TAFA4: variants seen among roughly 807,000 people sequenced by gnomAD.
TAFA4 encodes TAFA chemokine like family member 4.
In TAFA4, 20 loss-of-function variants were observed where a neutral mutation model predicts 21.1. The observed-to-expected ratio is 0.95, with a 90% CI of 0.67 to 1.38. The LOEUF is 1.38. Ranked by LOEUF, TAFA4 falls within the 40% of genes most tolerant of loss-of-function variation. TAFA4 has a pLI of 0.00. For synonymous variants in TAFA4, 71 were observed against 67.4 expected, an observed-to-expected ratio of 1.05 and a Z score of -0.26; for missense variants, 211 against 180.9, an observed-to-expected ratio of 1.17 and a Z score of -0.95.
At chr3:68,860,707 T>A (rs890881261) in intron 3 of TAFA4, among the ~76,000 whole-genome samples, 1 of 152,124 alleles carries the variant, frequency 6.6e-6, no homozygotes, top group African/African-American at 2.4e-5. Flanking sequence ...AAAAATTTCA[T>A]GGAAGATGAA....
At chr3:68,890,988 T>C (rs1377858193) in intron 1 of TAFA4, among the ~76,000 whole-genome samples, 1 of 152,160 alleles carries the variant, frequency 6.6e-6, no homozygotes, top group Non-Finnish European at 1.5e-5. Context: ...TTGCTACAGA[T>C]TTATTAAAGG....
At chr3:68,733,736 C>T (rs1357350798) in intron 5 of TAFA4, among the ~76,000 whole-genome samples, 2 of 152,134 alleles carry the variant, frequency 1.3e-5, no homozygotes, top group African/African-American at 4.8e-5. Context: ...TATACCAGCA[C>T]AGGTGGAAAA....
At chr3:68,800,691 C>T (rs895941621) in intron 3 of TAFA4, among the ~76,000 whole-genome samples, 5 of 152,190 alleles carry the variant, frequency 3.3e-5, no homozygotes, top group Admixed American at 6.5e-5. Context: ...GGGACTGGCA[C>T]CAGAATGGGG....
chr3:68,815,783 A>G (rs1382990803), intron 3 of TAFA4, among the ~76,000 whole-genome samples: 1 of 152,206 alleles, frequency 6.6e-6, no homozygotes, highest in East Asian at 1.9e-4. Flanking sequence ...AGAACTAGAA[A>G]TACCATTTGA....
chr3:68,888,657 A>G (rs951821418), intron 1 of TAFA4, among the ~76,000 whole-genome samples: 1 of 152,154 alleles, frequency 6.6e-6, no homozygotes, highest in Admixed American at 6.6e-5. Flanking sequence ...TGGGAAGTCT[A>G]ATATCAAGGT....
intron 1 of TAFA4, among the ~76,000 whole-genome samples, chr3:68,925,054 T>G (rs2090094654): frequency 1.3e-5 from 2 of 152,214 alleles, no homozygotes; most frequent in South Asian, 4.1e-4. Flanking sequence ...CTGGCTTGCT[T>G]AATGGAGTTC....
chr3:68,925,212 CGTGTGTGTGA>C (rs1388436066), intron 1 of TAFA4, among the ~76,000 whole-genome samples: 6 of 150,960 alleles, frequency 4.0e-5, no homozygotes, highest in Non-Finnish European at 7.4e-5. Context: ...TCTGTGTGTG[CGTGTGTGTGA>C]GTGTGTGTTG....
chr3:68,920,015 C>T (rs192862886), intron 1 of TAFA4, among the ~76,000 whole-genome samples: 41 of 152,272 alleles, frequency 2.7e-4, no homozygotes, highest in Non-Finnish European at 4.9e-4. Flanking sequence ...CAGTAAACAC[C>T]ACATCTCAGT....
At chr3:68,773,184 A>G (rs995848882) in intron 3 of TAFA4, among the ~76,000 whole-genome samples, 3 of 152,190 alleles carry the variant, frequency 2.0e-5, no homozygotes, top group African/African-American at 7.2e-5. Context: ...TGCACTTCTG[A>G]CCAACTTGAC....
chr3:68,793,792 A>G lies in TAFA4; in HGVS notation c.131-40774T>C, dbSNP rs78857688. Among the ~76,000 whole-genome samples the G allele has an allele frequency of 8.5e-3, 1,292 of 152,364 alleles. 20 individuals carry two copies. The highest frequency in any genetic ancestry group is 0.029 in the African/African-American group (1,204 of 41,580). ...AACAATGAATCAAATGTAGGTGCAG[A>G]AAGAGGAATTACATAGAGATAAAGT... On this transcript the variant is annotated intron_variant, in intron 3 of 5. Coordinates refer to ENST00000295569, the MANE Select transcript of TAFA4 (RefSeq NM_182522.5).
chr3:68,858,624 T>C lies in TAFA4; in HGVS notation c.130+22106A>G, dbSNP rs575558230. On this transcript the variant is annotated intron_variant, in intron 3 of 5. Coordinates refer to ENST00000295569, the MANE Select transcript of TAFA4 (RefSeq NM_182522.5). ...TGTGTGTGTGTGTCTTTAAGGCGTATGCATTCACATAGATGCAAGTGGAAT... is the reference window on the plus strand; with the variant it reads ...TGTGTGTGTGTGTCTTTAAGGCGTACGCATTCACATAGATGCAAGTGGAAT... 4.0e-5 allele frequency among the ~76,000 whole-genome samples: 6 copies of C among 149,952 alleles called. No homozygotes were observed. The East Asian group carries it at 1.0e-3, about 25-fold the overall frequency.
intron 3 of TAFA4, among the ~76,000 whole-genome samples, chr3:68,856,782 G>T (rs1308767183): frequency 6.6e-6 from 1 of 152,114 alleles, no homozygotes; most frequent in Non-Finnish European, 1.5e-5. Flanking sequence ...CATGCAGGTA[G>T]GAACCACAAC....
chr3:68,910,090 T>C (rs368732410), intron 1 of TAFA4, among the ~76,000 whole-genome samples: 35 of 152,368 alleles, frequency 2.3e-4, no homozygotes, highest in South Asian at 1.9e-3. Flanking sequence ...AACACACACA[T>C]TCACTTCTTC....
Position 68,739,208 on chromosome 3 carries a change from C to T in TAFA4, c.287-9G>A. 1.2e-6 allele frequency: 2 copies of T among 1,613,442 alleles called. No individual in the cohort carries two copies. The highest frequency in any genetic ancestry group is 1.7e-6 in the Non-Finnish European group (2 of 1,179,684). Reference sequence around the variant, plus strand: ...CTGAATCACAATGGAAGCTGGAAAACAAAGGCCAAATAATATTTGTGACAC... The same window carrying T: ...CTGAATCACAATGGAAGCTGGAAAATAAAGGCCAAATAATATTTGTGACAC... On this transcript the variant is annotated splice_polypyrimidine_tract_variant and intron_variant, in intron 4 of 5. Coordinates refer to ENST00000295569, the MANE Select transcript of TAFA4 (RefSeq NM_182522.5).
At chr3:68,769,800 C>T (rs1702919599) in intron 3 of TAFA4, among the ~76,000 whole-genome samples, 1 of 152,188 alleles carries the variant, frequency 6.6e-6, no homozygotes, top group Admixed American at 6.5e-5. Context: ...TTTTCTTGCA[C>T]ACCATCTCTT....
chr3:68,791,528 G>T (rs1007539610), intron 3 of TAFA4, among the ~76,000 whole-genome samples: 2 of 152,178 alleles, frequency 1.3e-5, no homozygotes, highest in African/African-American at 4.8e-5. Context: ...ATTGTCTTAA[G>T]CCACCCAGCT....
At chr3:68,877,332 A>G (rs1191015289) in intron 3 of TAFA4, among the ~76,000 whole-genome samples, 1 of 152,184 alleles carries the variant, frequency 6.6e-6, no homozygotes, top group Non-Finnish European at 1.5e-5. Flanking sequence ...GCACTCCAGC[A>G]TAAGTGACAG....
chr3:68,876,764 C>T (rs1383038071), intron 3 of TAFA4, among the ~76,000 whole-genome samples: 1 of 151,952 alleles, frequency 6.6e-6, no homozygotes, highest in Non-Finnish European at 1.5e-5. Flanking sequence ...ACCTAAATTT[C>T]CATAAATTTG....
chr3:68,898,360 T>A (rs1301812531), intron 1 of TAFA4, among the ~76,000 whole-genome samples: 2 of 152,194 alleles, frequency 1.3e-5, no homozygotes, highest in Non-Finnish European at 2.9e-5. Context: ...GATAATGATT[T>A]AGCATATGTG....
Sources: gnomAD v4.1 joint callset for allele counts (sites outside exome capture counted in the v4.1 genomes callset) on GRCh38, gnomAD v4.1.1 for gene constraint, MANE v1.5 for transcripts, NCBI Gene and HGNC (gene_info 2026-07-23, HGNC 2026-07-21) for gene names.